AKAP6: variants seen among roughly 807,000 people sequenced by gnomAD.
AKAP6 encodes the protein A-kinase anchoring protein 6.
AKAP6 carries 58 observed loss-of-function variants against 188.5 expected under a neutral mutation model. That is an observed-to-expected ratio of 0.31 (90% confidence interval 0.25 to 0.38). The LOEUF (loss-of-function observed/expected upper bound fraction) is 0.38, where lower values mean the gene tolerates loss of function less well. Ranked by LOEUF, AKAP6 falls within the 10% of genes least tolerant of loss-of-function variation. The pLI is 1.00. For missense variants in AKAP6, 2,710 were observed against 2,740.0 expected, an observed-to-expected ratio of 0.99 and a Z score of 0.24; for synonymous variants, 989 against 998.6, an observed-to-expected ratio of 0.99 and a Z score of 0.18.
chr14:32,675,266 A>C (rs950939713), intron 7 of AKAP6, among the ~76,000 whole-genome samples: 1 of 152,194 alleles, frequency 6.6e-6, no homozygotes, highest in Non-Finnish European at 1.5e-5. Context: ...GTGACCTAGA[A>C]GGGAAGAGGG....
chr14:32,702,105 A>G (rs543165967), intron 9 of AKAP6, among the ~76,000 whole-genome samples: 58 of 152,320 alleles, frequency 3.8e-4, no homozygotes, highest in Middle Eastern at 3.4e-3. Flanking sequence ...CAAGAATTTA[A>G]TGGTAATTTT....
chr14:32,729,110 C>G (rs2031037518), intron 9 of AKAP6, among the ~76,000 whole-genome samples: 1 of 152,024 alleles, frequency 6.6e-6, no homozygotes, highest in South Asian at 2.1e-4. Context: ...GCATCTTGTT[C>G]CTTAACATTG....
At chr14:32,581,955 C>T (rs972361580) in intron 5 of AKAP6, among the ~76,000 whole-genome samples, 28 of 152,096 alleles carry the variant, frequency 1.8e-4, no homozygotes, top group African/African-American at 6.3e-4. Context: ...TCCAATTTGC[C>T]AGTCTGTGTC....
intron 9 of AKAP6, among the ~76,000 whole-genome samples, chr14:32,701,204 T>C (rs1890608228): frequency 6.6e-6 from 1 of 152,146 alleles, no homozygotes; most frequent in African/African-American, 2.4e-5. Flanking sequence ...AATATAAATA[T>C]TTTAAAAACA....
intron 5 of AKAP6, among the ~76,000 whole-genome samples, chr14:32,594,093 A>G (rs1381174967): frequency 6.6e-6 from 1 of 152,110 alleles, no homozygotes; most frequent in Admixed American, 6.5e-5. Context: ...TTAACGCTTT[A>G]TATTTATTAT....
chr14:32,603,371 C>T (rs1886011596), intron 7 of AKAP6, among the ~76,000 whole-genome samples: 1 of 152,082 alleles, frequency 6.6e-6, no homozygotes, highest in East Asian at 1.9e-4. Context: ...GGAGTACATT[C>T]ACCAGGGCCA....
At chr14:32,362,992 C>T (rs894270938) in intron 1 of AKAP6, among the ~76,000 whole-genome samples, 2 of 152,052 alleles carry the variant, frequency 1.3e-5, no homozygotes, top group Non-Finnish European at 1.5e-5. Flanking sequence ...TGATGAAAGA[C>T]AGAAAAGCAT....
At chr14:32,388,324 T>TTTG (rs1045746527) in intron 1 of AKAP6, among the ~76,000 whole-genome samples, 3 of 152,156 alleles carry the variant, frequency 2.0e-5, no homozygotes, top group East Asian at 1.9e-4. Flanking sequence ...CTTTTGTATT[T>TTTG]TTGTTGTTGT....
rs139348278 is a variant in AKAP6, at chr14:32,822,979, G to A, written c.5166G>A (p.Leu1722=). 6.2e-7 allele frequency: 1 copy of A among 1,613,870 alleles called. No individual in the cohort carries two copies. Among genetic ancestry groups the A allele is most frequent in the Non-Finnish European group, 8.5e-7 (1 of 1,179,906 alleles). The change falls in exon 13 of 14, where the codon CTG becomes CTA. Residue 1722 remains leucine, a synonymous_variant. Transcript: ENST00000280979. ...CGAATGCATCGTTCAGGAAGCGTCTGACTCGTTCAGTGGCTGATGAAAGCG... is the reference window on the plus strand; with the variant it reads ...CGAATGCATCGTTCAGGAAGCGTCTAACTCGTTCAGTGGCTGATGAAAGCG... The part of the protein sequence containing the change: ...PESNASFRKR[L]TRSVADESDV...
intron 12 of AKAP6, among the ~76,000 whole-genome samples, chr14:32,799,803 T>A (rs986904664): frequency 1.3e-5 from 2 of 152,068 alleles, no homozygotes; most frequent in East Asian, 3.8e-4. Context: ...GGATCAAGTA[T>A]TCTATAAATG....
chr14:32,443,426 CA>C (rs79849407), intron 2 of AKAP6, among the ~76,000 whole-genome samples: 1 of 150,752 alleles, frequency 6.6e-6, no homozygotes, highest in Non-Finnish European at 1.5e-5. Context: ...AACAAAAAAA[CA>C]AAAAAACCCC....
chr14:32,790,105 G>A (rs1464253270), intron 12 of AKAP6, among the ~76,000 whole-genome samples: 3 of 152,170 alleles, frequency 2.0e-5, no homozygotes, highest in Non-Finnish European at 4.4e-5. Flanking sequence ...AATAGACCAA[G>A]TGGAGGAAAG....
intron 5 of AKAP6, among the ~76,000 whole-genome samples, chr14:32,596,428 A>G (rs759419879): frequency 1.6e-4 from 24 of 152,212 alleles, no homozygotes; most frequent in South Asian, 2.1e-4. Context: ...TAGAGGTTAT[A>G]GTAATAGAAA....
intron 1 of AKAP6, among the ~76,000 whole-genome samples, chr14:32,352,095 G>A (rs796135373): frequency 0.089 from 10,207 of 114,468 alleles, 1,003 homozygotes; most frequent in African/African-American, 0.34. Flanking sequence ...GTGTGTGTGT[G>A]TGTGTGTTTG....
intron 2 of AKAP6, among the ~76,000 whole-genome samples, chr14:32,524,876 A>T (rs1296203876): frequency 6.6e-6 from 1 of 152,152 alleles, no homozygotes; most frequent in Non-Finnish European, 1.5e-5. Flanking sequence ...TGGCCATCAC[A>T]TGCTTAAGAA....
chr14:32,349,148 T>C (rs1006968356), intron 1 of AKAP6, among the ~76,000 whole-genome samples: 3 of 152,246 alleles, frequency 2.0e-5, no homozygotes, highest in Non-Finnish European at 4.4e-5. Flanking sequence ...TATAGATCTG[T>C]AGGGCAATGG....
intron 4 of AKAP6, among the ~76,000 whole-genome samples, chr14:32,558,227 T>C (rs1012103625): frequency 6.6e-6 from 1 of 152,212 alleles, no homozygotes; most frequent in Non-Finnish European, 1.5e-5. Flanking sequence ...ACAAAAAGTA[T>C]AGAAGTTTAA....
At chr14:32,406,335 G>A (rs963896356) in intron 1 of AKAP6, among the ~76,000 whole-genome samples, 8 of 152,032 alleles carry the variant, frequency 5.3e-5, no homozygotes, top group Non-Finnish European at 1.0e-4. Flanking sequence ...TCAGCCTCCC[G>A]AGTAGCTGGG....
chr14:32,596,041 A>T (rs1053368061), intron 5 of AKAP6, among the ~76,000 whole-genome samples: 1 of 152,128 alleles, frequency 6.6e-6, no homozygotes, highest in Non-Finnish European at 1.5e-5. Flanking sequence ...TTGTTCATGA[A>T]CATCACAAGA....
Sources: gnomAD v4.1 joint callset for allele counts (sites outside exome capture counted in the v4.1 genomes callset) on GRCh38, gnomAD v4.1.1 for gene constraint, MANE v1.5 for transcripts, NCBI Gene and HGNC (gene_info 2026-07-23, HGNC 2026-07-21) for gene names.